Variants in RBFOX1 observed in about 807,000 individuals in gnomAD.
The protein encoded by RBFOX1 is RNA binding fox-1 homolog 1.
RBFOX1 carries 8 observed loss-of-function variants against 57.7 expected under a neutral mutation model. The observed-to-expected ratio is 0.14, with a 90% CI of 0.08 to 0.25. The LOEUF (loss-of-function observed/expected upper bound fraction) is 0.25, where lower values mean the gene tolerates loss of function less well. Ranked by LOEUF, RBFOX1 falls within the 10% of genes least tolerant of loss-of-function variation. The pLI is 1.00. For synonymous variants in RBFOX1, 326 were observed against 222.4 expected (o/e 1.47, Z -4.15); for missense variants, 611 against 548.5 (o/e 1.11, Z -1.14).
At chr16:6,704,462 C>T (rs965460234) in intron 3 of RBFOX1, 1 of 152,298 alleles carries the variant, frequency 6.6e-6, no homozygotes, top group African/African-American at 2.4e-5. Flanking sequence ...TCAGGACTTT[C>T]CTCTTCACAG....
At chr16:7,214,286 A>G (rs906600417) in intron 4 of RBFOX1, among the ~76,000 whole-genome samples, 17 of 152,034 alleles carry the variant, frequency 1.1e-4, no homozygotes, top group African/African-American at 3.9e-4. Context: ...ATGGGAGGAG[A>G]ATGATCTTTA....
intron 2 of RBFOX1, among the ~76,000 whole-genome samples, chr16:5,518,896 G>T (rs577267706): frequency 3.3e-5 from 5 of 152,276 alleles, no homozygotes; most frequent in African/African-American, 1.2e-4. Flanking sequence ...GTATGTTGAG[G>T]TTCTAACCCC....
At chr16:5,758,670 C>G (rs1398891780) in intron 3 of RBFOX1, among the ~76,000 whole-genome samples, 1 of 152,242 alleles carries the variant, frequency 6.6e-6, no homozygotes, top group East Asian at 1.9e-4. Context: ...TTCTGGTGAT[C>G]ACTAATAAAG....
chr16:5,720,960 A>T (rs2051908794), intron 3 of RBFOX1, among the ~76,000 whole-genome samples: 1 of 152,224 alleles, frequency 6.6e-6, no homozygotes, highest in South Asian at 2.1e-4. Flanking sequence ...TGTCAATTTC[A>T]GCCGAAATGG....
chr16:6,495,546 A>T (rs2095747737), intron 2 of RBFOX1, among the ~76,000 whole-genome samples: 1 of 152,218 alleles, frequency 6.6e-6, no homozygotes, highest in South Asian at 2.1e-4. Context: ...TCACCCTGAA[A>T]AGAAATAATA....
At chr16:5,597,957 C>G (rs1316737576) in intron 2 of RBFOX1, among the ~76,000 whole-genome samples, 21 of 152,132 alleles carry the variant, frequency 1.4e-4, no homozygotes, top group Admixed American at 1.1e-3. Flanking sequence ...GAGGTTAAGA[C>G]CTACTTCTTA....
intron 4 of RBFOX1, among the ~76,000 whole-genome samples, chr16:7,456,630 C>T (rs949687331): frequency 6.6e-6 from 1 of 152,192 alleles, no homozygotes; most frequent in African/African-American, 2.4e-5. Flanking sequence ...GGAGAACACA[C>T]CTTCACGTGC....
chr16:6,373,208 T>G (rs1439649828), intron 2 of RBFOX1, among the ~76,000 whole-genome samples: 2 of 151,176 alleles, frequency 1.3e-5, no homozygotes, highest in African/African-American at 4.9e-5. Flanking sequence ...AAGTGTATAG[T>G]TGGATAGAAG....
chr16:6,763,108 A>T (rs550823605), intron 3 of RBFOX1, among the ~76,000 whole-genome samples: 21 of 152,348 alleles, frequency 1.4e-4, no homozygotes, highest in Middle Eastern at 6.8e-3. Flanking sequence ...ATGTCAGACC[A>T]CTGTCTCCTC....
intron 2 of RBFOX1, among the ~76,000 whole-genome samples, chr16:6,502,801 C>G (rs576326917): frequency 3.3e-5 from 5 of 152,126 alleles, no homozygotes; most frequent in Non-Finnish European, 7.3e-5. Context: ...ATGTAAGATA[C>G]TTCTTTCTTG....
At chr16:6,631,835 A>G (rs1266387700) in intron 2 of RBFOX1, among the ~76,000 whole-genome samples, 1 of 151,896 alleles carries the variant, frequency 6.6e-6, no homozygotes, top group Non-Finnish European at 1.5e-5. Context: ...GTGCATGCAA[A>G]CACCCCAAGG....
intron 4 of RBFOX1, among the ~76,000 whole-genome samples, chr16:7,266,599 G>A (rs886892052): frequency 6.6e-6 from 1 of 152,018 alleles, no homozygotes; most frequent in African/African-American, 2.4e-5. Flanking sequence ...GAATACCATC[G>A]CGTTGGAGGT....
chr16:7,063,472 C>T (rs1462955644), intron 4 of RBFOX1, among the ~76,000 whole-genome samples: 3 of 152,140 alleles, frequency 2.0e-5, no homozygotes, highest in East Asian at 1.9e-4. Context: ...TAACAAGTGC[C>T]ATTTCCTCAG....
intron 4 of RBFOX1, among the ~76,000 whole-genome samples, chr16:7,079,900 G>A (rs2058888313): frequency 6.6e-6 from 1 of 151,792 alleles, no homozygotes; most frequent in Non-Finnish European, 1.5e-5. Context: ...ATAAGAAAAA[G>A]TTCTGTGGGT....
At chr16:6,618,747 T>A (rs2154032657) in intron 2 of RBFOX1, among the ~76,000 whole-genome samples, 1 of 152,314 alleles carries the variant, frequency 6.6e-6, no homozygotes, top group East Asian at 1.9e-4. Context: ...TAAAGCTGGC[T>A]GCTCATGGTA....
intron 4 of RBFOX1, among the ~76,000 whole-genome samples, chr16:5,977,695 G>C (rs2060092949): frequency 6.6e-6 from 1 of 152,024 alleles, no homozygotes; most frequent in Non-Finnish European, 1.5e-5. Context: ...TGTCTGTTTT[G>C]AACTGCAAGA....
chr16:5,866,381 G>T (rs2057343802), intron 3 of RBFOX1, among the ~76,000 whole-genome samples: 1 of 152,192 alleles, frequency 6.6e-6, no homozygotes, highest in Admixed American at 6.5e-5. Context: ...TCACAGTGGG[G>T]GTTAGGGGTT....
intron 4 of RBFOX1, among the ~76,000 whole-genome samples, chr16:7,170,921 G>T (rs1384552838): frequency 1.3e-5 from 2 of 152,142 alleles, no homozygotes; most frequent in Non-Finnish European, 2.9e-5. Flanking sequence ...ATCTGGTTGG[G>T]TCTGTCTTTT....
At chr16:5,792,578 C>T (rs949948777) in intron 3 of RBFOX1, among the ~76,000 whole-genome samples, 1 of 152,200 alleles carries the variant, frequency 6.6e-6, no homozygotes, top group African/African-American at 2.4e-5. Context: ...TGCAGTGGCT[C>T]ATGCCTGTAA....
Sources: allele counts gnomAD v4.1 joint callset (sites outside exome capture counted in the v4.1 genomes callset), GRCh38; gene constraint gnomAD v4.1.1; transcripts MANE v1.5; gene names NCBI Gene and HGNC (gene_info 2026-07-23, HGNC 2026-07-21).